Variants in KIF26B observed in about 807,000 individuals in gnomAD.
KIF26B encodes the protein kinesin-like protein KIF26B.
A neutral mutation model predicts 151.2 loss-of-function variants in KIF26B; 63 were observed. The observed-to-expected ratio is 0.42, with a 90% CI of 0.34 to 0.51. The LOEUF (loss-of-function observed/expected upper bound fraction) is 0.51. KIF26B is among the 20% of genes least tolerant of loss of function. The pLI, the probability that KIF26B is intolerant of heterozygous loss-of-function variation, is 0.07. For missense variants in KIF26B, 2,813 were observed against 2,913.6 expected (o/e 0.97, Z 0.79); for synonymous variants, 1,357 against 1,262.1 (o/e 1.08, Z -1.59).
chr1:245,598,566 T>C (rs2043358448), intron 5 of KIF26B, among the ~76,000 whole-genome samples: 1 of 152,148 alleles, frequency 6.6e-6, no homozygotes, highest in Non-Finnish European at 1.5e-5. Context: ...CGGTGAGAGA[T>C]GACGGGGCTG....
chr1:245,175,951 T>TATCTATATCTATATATATAGAC (rs1206380858), intron 2 of KIF26B, among the ~76,000 whole-genome samples: 4 of 147,230 alleles, frequency 2.7e-5, no homozygotes, highest in African/African-American at 5.0e-5. Flanking sequence ...TATATATAGA[T>TATCTATATCTATATATATAGAC]ATCTATATCT....
intron 9 of KIF26B, among the ~76,000 whole-genome samples, chr1:245,631,519 G>T (rs1460529585): frequency 1.3e-5 from 2 of 152,024 alleles, no homozygotes; most frequent in African/African-American, 2.4e-5. Flanking sequence ...TGTTAGATTT[G>T]GTTCGCTAGT....
intron 4 of KIF26B, among the ~76,000 whole-genome samples, chr1:245,447,865 C>T (rs1360618457): frequency 6.6e-6 from 1 of 152,228 alleles, no homozygotes; most frequent in Non-Finnish European, 1.5e-5. Context: ...TGAGCTGCCA[C>T]TCTCAGCACA....
chr1:245,620,635 C>T (rs940889942), intron 9 of KIF26B, among the ~76,000 whole-genome samples: 4 of 152,146 alleles, frequency 2.6e-5, no homozygotes, highest in Non-Finnish European at 4.4e-5. Context: ...CTCCTGAGCT[C>T]AGGCGATCCA....
At position 245,170,137 on chromosome 1, in the gene KIF26B, C is replaced by G. The variant is rs1041097205; in HGVS notation, c.465+13454C>G. ...AGGATGGGACGGTGGTGACAAATGG[C>G]GGGATGGGAGATGATGCCTGGGTGA... On this transcript the variant is annotated intron_variant, in intron 2 of 14. Transcript: ENST00000407071. The surrounding 1 kb of genome is among the most constrained non-coding windows in gnomAD (Gnocchi z 4.4). Among the ~76,000 whole-genome samples the G allele has an allele frequency of 1.3e-5, 2 of 152,054 alleles. No individual in the cohort carries two copies. The highest frequency in any genetic ancestry group is 2.9e-5 in the Non-Finnish European group (2 of 68,004).
At chr1:245,336,518 G>T (rs1672236823) in intron 2 of KIF26B, among the ~76,000 whole-genome samples, 1 of 152,208 alleles carries the variant, frequency 6.6e-6, no homozygotes, top group Admixed American at 6.5e-5. Flanking sequence ...CACGCACGTG[G>T]AATCAGGACT....
In KIF26B at chr1:245,698,823, T is replaced by G. The variant is rs1442902580; in HGVS notation, c.6028-64T>G. 1 of 1,540,906 alleles carries G rather than the reference T, an allele frequency of 6.5e-7. No homozygotes were observed. The highest frequency in any genetic ancestry group is 1.4e-5 in the African/African-American group (1 of 73,246). ...GTTTTCCATCAACGATACTCACAGGTGCTCCTGTGGTGTGGGCTGGGTGTG... is the reference window on the plus strand; with the variant it reads ...GTTTTCCATCAACGATACTCACAGGGGCTCCTGTGGTGTGGGCTGGGTGTG... On this transcript the variant is annotated intron_variant, in intron 13 of 14. Coordinates refer to ENST00000407071, the MANE Select transcript of KIF26B (RefSeq NM_018012.4). This position sits in a 1 kb window ranked among gnomAD's most constrained non-coding sequence, Gnocchi z 4.0.
rs1267085675 is a variant in KIF26B, at chr1:245,687,814, C to G, written c.4831C>G (p.Arg1611Gly). 3.1e-6 allele frequency: 5 copies of G among 1,595,246 alleles called. 1 individual carries two copies. The East Asian group carries it at 6.9e-5, about 22-fold the overall frequency. ...AAAGTCCAGCCTGGACCAGAAGAAC[C>G]GGGCCAGCCCTCAGCACAGTGCCAG... ...VRKSSLDQKN[R>G]ASPQHSASGS... is the part of the protein sequence containing the mutation. The change falls in exon 12 of 15, where the codon CGG becomes GGG. Residue 1611 changes from arginine (R) to glycine (G), a missense_variant. By Grantham distance (125) the Arg-to-Gly change is moderately radical (BLOSUM62 -2). Coordinates refer to ENST00000407071, the MANE Select transcript of KIF26B (RefSeq NM_018012.4). The surrounding 1 kb of genome is among the most constrained non-coding windows in gnomAD (Gnocchi z 4.9).
intron 4 of KIF26B, among the ~76,000 whole-genome samples, chr1:245,458,762 A>G (rs1023835376): frequency 6.6e-6 from 1 of 152,232 alleles, no homozygotes; most frequent in Non-Finnish European, 1.5e-5. Context: ...TCTTCTGACC[A>G]GATTCTTTGC....
chr1:245,233,640 A>G (rs567004950), intron 2 of KIF26B, among the ~76,000 whole-genome samples: 5 of 152,240 alleles, frequency 3.3e-5, no homozygotes, highest in Admixed American at 3.3e-4. Flanking sequence ...TTCTCCCTAC[A>G]CACACTTAAA....
chr1:245,214,707 G>A (rs570700685), intron 2 of KIF26B, among the ~76,000 whole-genome samples: 1 of 152,102 alleles, frequency 6.6e-6, no homozygotes, highest in Non-Finnish European at 1.5e-5. Context: ...GGGCTTGGTG[G>A]TGCGCACCTG....
Position 245,698,940 on chromosome 1 carries a change from G to T in KIF26B, c.6081G>T (p.Arg2027Ser), listed in dbSNP as rs772515215. The part of the protein sequence containing the change: ...KLKILEHRQQ[R>S]IAEVRAKYEW... ...AGATTCTGGAACACCGCCAGCAGAG[G>T]ATCGCCGAGGTCCGCGCGAAGTACG... The change falls in exon 14 of 15, where the codon AGG becomes AGT. Residue 2027 changes from arginine (R) to serine (S), a missense_variant. Arg to Ser is a moderately radical substitution (Grantham distance 110). This residue lies in a region of KIF26B where 2,060 missense variants were observed against 2,088.6 expected (regional missense o/e 0.99). Transcript: ENST00000407071. The surrounding 1 kb of genome is among the most constrained non-coding windows in gnomAD (Gnocchi z 4.0). 6.2e-7 allele frequency: 1 copy of T among 1,614,054 alleles called. No individual in the cohort carries two copies. The highest frequency in any genetic ancestry group is 2.2e-5 in the East Asian group (1 of 44,878).
chr1:245,544,901 C>G (rs1661704833), intron 5 of KIF26B, among the ~76,000 whole-genome samples: 1 of 152,162 alleles, frequency 6.6e-6, no homozygotes, highest in African/African-American at 2.4e-5. Context: ...AGCAACAATC[C>G]CACTCCCCAG....
chr1:245,365,511 A>ACAC (rs1255591332), intron 2 of KIF26B, among the ~76,000 whole-genome samples: 1 of 138,802 alleles, frequency 7.2e-6, no homozygotes, highest in African/African-American at 3.1e-5. Context: ...CTGCCTCACA[A>ACAC]CTCCCCCCCA....
At chr1:245,249,401 A>G (rs1670397598) in intron 2 of KIF26B, among the ~76,000 whole-genome samples, 1 of 152,166 alleles carries the variant, frequency 6.6e-6, no homozygotes, top group African/African-American at 2.4e-5. Flanking sequence ...GCCCAGCCAC[A>G]AGATGAGTTT....
intron 10 of KIF26B, among the ~76,000 whole-genome samples, chr1:245,661,344 C>CCGTTA (rs1553301630): frequency 1.3e-5 from 2 of 151,284 alleles, no homozygotes; most frequent in African/African-American, 4.9e-5. Flanking sequence ...CTAATCGCCA[C>CCGTTA]AGTTACTTGG....
At chr1:245,256,027 T>G (rs907016) in intron 2 of KIF26B, among the ~76,000 whole-genome samples, 1 of 151,918 alleles carries the variant, frequency 6.6e-6, no homozygotes, top group Non-Finnish European at 1.5e-5. Flanking sequence ...TTTTCCTTCC[T>G]TTTTATTGGT....
intron 5 of KIF26B, among the ~76,000 whole-genome samples, chr1:245,574,626 A>C (rs1205022398): frequency 6.6e-6 from 1 of 152,070 alleles, no homozygotes; most frequent in Non-Finnish European, 1.5e-5. Context: ...CTGCCCCTCA[A>C]GTCCATGGCA....
intron 4 of KIF26B, among the ~76,000 whole-genome samples, chr1:245,525,954 A>G (rs771103419): frequency 1.3e-5 from 2 of 152,246 alleles, no homozygotes; most frequent in Non-Finnish European, 2.9e-5. Context: ...TATTTAACCT[A>G]GGATTCTAAT....
Sources: gnomAD v4.1 joint callset for allele counts (sites outside exome capture counted in the v4.1 genomes callset) on GRCh38, gnomAD v4.1.1 for gene constraint, gnomAD v4.1.1 regional missense constraint, Gnocchi (gnomAD v3.1) non-coding constraint, MANE v1.5 for transcripts, NCBI Gene and HGNC (gene_info 2026-07-23, HGNC 2026-07-21) for gene names.